Variants in SPTLC2 observed in about 807,000 individuals in gnomAD.
SPTLC2 encodes the protein serine palmitoyltransferase 2.
In SPTLC2, 21 loss-of-function variants were observed where a neutral mutation model predicts 62.0. The observed-to-expected ratio is 0.34, with a 90% confidence interval of 0.24 to 0.49. SPTLC2 has a LOEUF of 0.49. Among genes scored for constraint, SPTLC2 ranks in the 20% least tolerant of loss-of-function variants. SPTLC2 has a pLI of 0.99. For missense variants in SPTLC2, 511 were observed against 713.0 expected, an observed-to-expected ratio of 0.72 and a Z score of 3.23; for synonymous variants, 261 against 261.8, an observed-to-expected ratio of 1.00 and a Z score of 0.03.
chr14:77,613,952 C>T (rs1350611087), intron 1 of SPTLC2, among the ~76,000 whole-genome samples: 1 of 152,334 alleles, frequency 6.6e-6, no homozygotes, highest in East Asian at 1.9e-4. Flanking sequence ...AGACAATATT[C>T]CTCCATCTGA....
At chr14:77,578,870 A>C (rs1450737186) in intron 3 of SPTLC2, 85 bp downstream of exon 3, 1 of 1,459,310 alleles carries the variant, frequency 6.9e-7, no homozygotes, top group African/African-American at 1.4e-5. Context: ...ATTTTGAGAG[A>C]ATACTCAATT....
chr14:77,597,335 T>G lies in SPTLC2; in HGVS notation c.178A>C (p.Asn60His). 6.2e-7 allele frequency: 1 copy of G among 1,614,200 alleles called. No homozygotes were observed. Among genetic ancestry groups the G allele is most frequent in the East Asian group, 2.2e-5 (1 of 44,886 alleles). ...ATTGGTGTTTCTTCAAAAGCTTCATTAAACGGTCTTTTATATAGTCCTCCA... is the reference window on the plus strand; with the variant it reads ...ATTGGTGTTTCTTCAAAAGCTTCATGAAACGGTCTTTTATATAGTCCTCCA... ...QNGGLYKRPFNEAFEETPMLV... is the reference protein window; with the variant it reads ...QNGGLYKRPFHEAFEETPMLV... Residue 60 changes from asparagine to histidine, a missense_variant, in exon 2 of 12, where the codon AAT becomes CAT. Physicochemically the swap from Asn to His is moderately conservative, Grantham distance 68. Coordinates refer to ENST00000216484, the MANE Select transcript of SPTLC2 (RefSeq NM_004863.4).
At position 77,595,637 on chromosome 14, in the gene SPTLC2, T is replaced by G. The variant is rs574354294; in HGVS notation, c.327+1549A>C. On this transcript the variant is annotated intron_variant, in intron 2 of 11. Transcript: ENST00000216484. ...GCCACTTTTGAATCCATGTATCTAC[T>G]GACTGGTTTTGTCTTCCTAGTAACT... is the stretch of plus-strand genomic sequence containing the variant. 3.3e-5 allele frequency among the ~76,000 whole-genome samples: 5 copies of G among 152,330 alleles called. No individual in the cohort carries two copies. The South Asian group carries it at 1.0e-3, about 32-fold the overall frequency.
chr14:77,521,120 T>C (rs894495640), intron 10 of SPTLC2, among the ~76,000 whole-genome samples: 1 of 152,218 alleles, frequency 6.6e-6, no homozygotes, highest in Non-Finnish European at 1.5e-5. Flanking sequence ...TCTAACATCG[T>C]ACACAGTTCA....
intron 5 of SPTLC2, among the ~76,000 whole-genome samples, chr14:77,565,242 CAAAAAAAAAAAAAA>C (rs59356054): frequency 8.9e-5 from 3 of 33,692 alleles, no homozygotes; most frequent in East Asian, 1.1e-3. Context: ...AACTCCATCT[CAAAAAAAAAAAAAA>C]AAAAAAAAAA....
chr14:77,566,511 G>A (rs2079645651), intron 5 of SPTLC2, among the ~76,000 whole-genome samples: 2 of 152,280 alleles, frequency 1.3e-5, no homozygotes, highest in South Asian at 4.1e-4. Context: ...TATTGCCCAG[G>A]CTGGAGTGCA....
chr14:77,579,575 T>A (rs116732357), intron 2 of SPTLC2, among the ~76,000 whole-genome samples: 2,867 of 152,146 alleles, frequency 0.019, 93 homozygotes, highest in African/African-American at 0.063. Flanking sequence ...ATAGCGAGAC[T>A]CTGTCTCAAC....
intron 3 of SPTLC2, among the ~76,000 whole-genome samples, chr14:77,577,992 A>G (rs977927424): frequency 2.6e-5 from 4 of 152,098 alleles, no homozygotes; most frequent in African/African-American, 9.7e-5. Flanking sequence ...TAAAAATACA[A>G]AAAGTAGCTG....
chr14:77,615,731 G>A (rs1224744110), intron 1 of SPTLC2, among the ~76,000 whole-genome samples: 2 of 152,194 alleles, frequency 1.3e-5, no homozygotes, highest in African/African-American at 2.4e-5. Context: ...TTAGTATAGA[G>A]TCATCGCAAG....
chr14:77,533,417 T>C (rs1302606468), intron 9 of SPTLC2, among the ~76,000 whole-genome samples: 1 of 152,150 alleles, frequency 6.6e-6, no homozygotes, highest in East Asian at 1.9e-4. Context: ...GACTGGAATC[T>C]GAAATTCTGA....
intron 2 of SPTLC2, among the ~76,000 whole-genome samples, chr14:77,581,745 T>C (rs1000544487): frequency 6.6e-6 from 1 of 152,168 alleles, no homozygotes; most frequent in African/African-American, 2.4e-5. Flanking sequence ...TAATAGTTAA[T>C]TTTCCTCAGG....
rs199526633 is a variant in SPTLC2, at chr14:77,529,245, A to AACT, written c.1304-7667_1304-7665dup. ...CATTCCTGTGAAGTTTCTCTTTGAA[A>AACT]ACTTCTTCTTTTTTTTTTTTTTTTT... On this transcript the variant is annotated intron_variant, in intron 9 of 11. Coordinates refer to ENST00000216484, the MANE Select transcript of SPTLC2 (RefSeq NM_004863.4). 5.2e-4 allele frequency among the ~76,000 whole-genome samples: 72 copies of AACT among 137,632 alleles called. 1 individual carries two copies. Among genetic ancestry groups the AACT allele is most frequent in the South Asian group, 1.2e-3 (5 of 4,296 alleles). 90.3% of individuals were successfully genotyped at this position (137,632 alleles called of 152,430 possible). A position where few individuals can be genotyped will look rare whatever the true frequency, so the allele number is the denominator to read the frequency against.
At chr14:77,539,964 A>C (rs944946492) in intron 9 of SPTLC2, among the ~76,000 whole-genome samples, 2 of 152,112 alleles carry the variant, frequency 1.3e-5, no homozygotes, top group African/African-American at 4.8e-5. Flanking sequence ...TGGGAGGCCG[A>C]GGCAGGCAGA....
At chr14:77,597,819 GAA>G (rs571771933) in intron 1 of SPTLC2, among the ~76,000 whole-genome samples, 2 of 128,754 alleles carry the variant, frequency 1.6e-5, no homozygotes, top group Non-Finnish European at 1.6e-5. Flanking sequence ...CTGGAAACAA[GAA>G]AAAAAAAAAA....
At chr14:77,611,275 C>G (rs2079935318) in intron 1 of SPTLC2, among the ~76,000 whole-genome samples, 1 of 151,284 alleles carries the variant, frequency 6.6e-6, no homozygotes, top group Non-Finnish European at 1.5e-5. Context: ...TGCACTCCAG[C>G]CTGGGTGACA....
chr14:77,564,158 C>CTGAGGCAG (rs1274069090), intron 5 of SPTLC2, among the ~76,000 whole-genome samples: 1 of 146,900 alleles, frequency 6.8e-6, no homozygotes, highest in Non-Finnish European at 1.5e-5. Flanking sequence ...ACACAAAAGG[C>CTGAGGCAG]TGAGGCAGTG....
At chr14:77,531,703 G>C (rs1436731493) in intron 9 of SPTLC2, among the ~76,000 whole-genome samples, 1 of 151,922 alleles carries the variant, frequency 6.6e-6, no homozygotes, top group African/African-American at 2.4e-5. Flanking sequence ...GTAGAGACAG[G>C]GTTTCTCCAT....
Position 77,523,556 on chromosome 14 carries a change from C to T in SPTLC2, c.1304-1975G>A, listed in dbSNP as rs139464013. On this transcript the variant is annotated intron_variant, in intron 9 of 11. Coordinates refer to ENST00000216484, the MANE Select transcript of SPTLC2 (RefSeq NM_004863.4). ...TTTGGGAAGGGTACTGATTTCTATA[C>T]GCATGAAAAGAAACTAGCAGAGGCT... 4.6e-3 allele frequency among the ~76,000 whole-genome samples: 702 copies of T among 152,220 alleles called. 3 individuals carry two copies. Among genetic ancestry groups the T allele is most frequent in the African/African-American group, 0.016 (658 of 41,536 alleles).
At chr14:77,513,081 A>G (rs995960653) in intron 11 of SPTLC2, among the ~76,000 whole-genome samples, 1 of 120,526 alleles carries the variant, frequency 8.3e-6, no homozygotes, top group African/African-American at 3.1e-5. Context: ...GCTGGAGTAC[A>G]GTGGCACCAT....
Sources: gnomAD v4.1 joint callset for allele counts (sites outside exome capture counted in the v4.1 genomes callset) on GRCh38, gnomAD v4.1.1 for gene constraint, MANE v1.5 for transcripts, NCBI Gene and HGNC (gene_info 2026-07-23, HGNC 2026-07-21) for gene names.